BMPR1A: variants seen among roughly 807,000 people sequenced by gnomAD.
BMPR1A encodes the protein bone morphogenetic protein receptor type-1A.
In BMPR1A, 7 loss-of-function variants were observed where a neutral mutation model predicts 66.0. The observed-to-expected ratio is 0.11, with a 90% confidence interval of 0.06 to 0.20. BMPR1A has a LOEUF of 0.20. Among genes scored for constraint, BMPR1A ranks in the 10% least tolerant of loss-of-function variants. The pLI is 1.00. For missense variants in BMPR1A, 408 were observed against 669.1 expected, an observed-to-expected ratio of 0.61 and a Z score of 4.31; for synonymous variants, 200 against 229.7, an observed-to-expected ratio of 0.87 and a Z score of 1.17.
chr10:86,801,215 A>G (rs892157453), intron 1 of BMPR1A, among the ~76,000 whole-genome samples: 3 of 151,918 alleles, frequency 2.0e-5, no homozygotes, highest in African/African-American at 7.3e-5. Flanking sequence ...TCACGGGCTC[A>G]CTGGAGCCTT....
In BMPR1A at chr10:86,917,394, A is replaced by T. The variant is rs878984252; in HGVS notation, c.868+68A>T. On this transcript the variant is annotated intron_variant, in intron 9 of 12. Transcript: ENST00000372037. ...TAGTGAGGTACAGGTGGAAGCCTCC[A>T]TATGTGCTTTGAAAATGTGTGAGTT... 3.2e-5 allele frequency: 50 copies of T among 1,566,338 alleles called. No homozygotes were observed. In the South Asian group the frequency reaches 5.6e-4, roughly 17 times the overall value.
rs1180633325 is a variant in BMPR1A at position 86,875,932 on chromosome 10, C to G, written c.-87C>G. 1 of 1,141,146 alleles carries G rather than the reference C, an allele frequency of 8.8e-7. No homozygotes were observed. Among genetic ancestry groups the G allele is most frequent in the Non-Finnish European group, 1.3e-6 (1 of 755,266 alleles). The allele number at this position is 1,141,146 out of a possible 1,614,324, so 70.7% of individuals were successfully genotyped here. A position where few individuals can be genotyped will look rare whatever the true frequency, so the allele number is the denominator to read the frequency against. ...TGCTTGCGATCTTTTACAAGAAAAT[C>G]TCACTGAATGATAGTCATTTAAATT... On this transcript the variant is annotated 5_prime_UTR_variant, in exon 3 of 13. It adds an upstream start codon to the 5' untranslated region. Coordinates refer to ENST00000372037, the MANE Select transcript of BMPR1A (RefSeq NM_004329.3).
At chr10:86,806,715 C>T (rs886192982) in intron 1 of BMPR1A, among the ~76,000 whole-genome samples, 24 of 151,780 alleles carry the variant, frequency 1.6e-4, no homozygotes, top group African/African-American at 3.1e-4. Flanking sequence ...CCAAACCTGA[C>T]GAAATTTTTT....
intron 1 of BMPR1A, among the ~76,000 whole-genome samples, chr10:86,823,178 A>G (rs1432930386): frequency 1.3e-5 from 2 of 152,224 alleles, no homozygotes; most frequent in Non-Finnish European, 2.9e-5. Context: ...CCAGTGATTC[A>G]CAGTGTTTTC....
chr10:86,821,645 A>G (rs1180493927), intron 1 of BMPR1A, among the ~76,000 whole-genome samples: 1 of 152,172 alleles, frequency 6.6e-6, no homozygotes, highest in Admixed American at 6.5e-5. Flanking sequence ...GCTATTGCCC[A>G]CATTTTGTGC....
chr10:86,793,563 C>T (rs911928902), intron 1 of BMPR1A, among the ~76,000 whole-genome samples: 4 of 152,054 alleles, frequency 2.6e-5, no homozygotes, highest in Admixed American at 6.6e-5. Flanking sequence ...AGGGTTTCAT[C>T]ATATTGATCA....
Position 86,918,627 on chromosome 10 carries a change from CT to C in BMPR1A, c.869-531del, listed in dbSNP as rs71802648. Among the ~76,000 whole-genome samples, 451 of 141,360 alleles carry C rather than the reference CT, an allele frequency of 3.2e-3. 10 individuals carry two copies. The highest frequency in any genetic ancestry group is 1.4e-3 in the Non-Finnish European group (89 of 64,632). 92.7% of individuals were successfully genotyped at this position (141,360 alleles called of 152,430 possible). ...TTTTTCTTTTCTTTCCTTTTCTTTT[CT>C]TTTTTTTTTTTTTGAGACGGAGTCT... On this transcript the variant is annotated intron_variant, in intron 9 of 12. Coordinates refer to ENST00000372037, the MANE Select transcript of BMPR1A (RefSeq NM_004329.3).
At chr10:86,870,369 GACGCCTC>G (rs1259073988) in intron 2 of BMPR1A, among the ~76,000 whole-genome samples, 1 of 152,098 alleles carries the variant, frequency 6.6e-6, no homozygotes, top group Non-Finnish European at 1.5e-5. Flanking sequence ...AATCTTCTTT[GACGCCTC>G]ACTTTCCCTT....
At chr10:86,836,666 T>G (rs758159728) in intron 1 of BMPR1A, among the ~76,000 whole-genome samples, 85 of 152,256 alleles carry the variant, frequency 5.6e-4, no homozygotes, top group Middle Eastern at 3.4e-3. Flanking sequence ...GGCATGGTAG[T>G]GTTCGCCTGT....
intron 1 of BMPR1A, among the ~76,000 whole-genome samples, chr10:86,815,916 A>G (rs749710562): frequency 3.9e-5 from 6 of 152,248 alleles, no homozygotes; most frequent in Non-Finnish European, 8.8e-5. Flanking sequence ...TGAAAAGCCC[A>G]TGAAGATGCT....
chr10:86,889,419 G>A (rs11597689), intron 3 of BMPR1A: 10,291 of 152,378 alleles, frequency 0.068, 384 homozygotes, highest in South Asian at 0.11. Context: ...TTTCCACATA[G>A]AGGCACAAAT....
chr10:86,879,441 A>G (rs1477044724), intron 3 of BMPR1A, among the ~76,000 whole-genome samples: 5 of 152,174 alleles, frequency 3.3e-5, no homozygotes, highest in Non-Finnish European at 7.3e-5. Flanking sequence ...CTCTGCTGAG[A>G]GTAGAGGGCT....
rs559148386 is a variant in BMPR1A at position 86,909,219 on chromosome 10, T to C, written c.531-3021T>C. On this transcript the variant is annotated intron_variant, in intron 7 of 12. Transcript: ENST00000372037. ...GCAGGGTGTTAAATGATCAGTTAAA[T>C]TGTCATATTCCCCAGTGTAAGGTCA... is the stretch of plus-strand genomic sequence containing the variant. Among the ~76,000 whole-genome samples, 4 of 152,254 alleles carry C rather than the reference T, an allele frequency of 2.6e-5. No homozygotes were observed. The East Asian group carries it at 7.7e-4, about 29-fold the overall frequency.
chr10:86,855,656 G>C lies in BMPR1A; in HGVS notation c.-153+16677G>C, dbSNP rs192987888. ...TTCACATGTGGCAGCTTTCTCCTGA[G>C]TATCTAATTTGCAATTGCCTAACTG... On this transcript the variant is annotated intron_variant, in intron 2 of 12. Coordinates refer to ENST00000372037, the MANE Select transcript of BMPR1A (RefSeq NM_004329.3). 394 of 687,584 alleles carry C rather than the reference G, an allele frequency of 5.7e-4. 2 individuals are homozygous for C. Among genetic ancestry groups the C allele is most frequent in the Non-Finnish European group, 8.0e-4 (302 of 377,696 alleles). 42.6% of individuals were successfully genotyped at this position (687,584 alleles called of 1,614,324 possible). A position where few individuals can be genotyped will look rare whatever the true frequency, so the allele number is the denominator to read the frequency against.
intron 7 of BMPR1A, among the ~76,000 whole-genome samples, chr10:86,900,441 C>G (rs1366966852): frequency 1.5e-5 from 2 of 135,854 alleles, no homozygotes; most frequent in Non-Finnish European, 3.2e-5. Flanking sequence ...TTTTTTTTTG[C>G]GTTATAATTC....
chr10:86,775,168 T>G (rs957336199), intron 1 of BMPR1A, among the ~76,000 whole-genome samples: 29 of 152,198 alleles, frequency 1.9e-4, no homozygotes, highest in African/African-American at 6.5e-4. Context: ...GAAAATCGAT[T>G]GACAAACTGA....
intron 2 of BMPR1A, among the ~76,000 whole-genome samples, chr10:86,862,481 G>T (rs1457975810): frequency 6.6e-6 from 1 of 152,150 alleles, no homozygotes; most frequent in Non-Finnish European, 1.5e-5. Context: ...ATCTGAATGG[G>T]GTGTGATGTG....
At chr10:86,847,090 A>G (rs1842495883) in intron 2 of BMPR1A, among the ~76,000 whole-genome samples, 1 of 152,104 alleles carries the variant, frequency 6.6e-6, no homozygotes, top group South Asian at 2.1e-4. Context: ...CCTGACCTCA[A>G]GTGATCTACC....
intron 1 of BMPR1A, among the ~76,000 whole-genome samples, chr10:86,825,855 C>G (rs890752324): frequency 2.6e-5 from 4 of 152,092 alleles, no homozygotes; most frequent in African/African-American, 9.7e-5. Context: ...TTGGGACTTG[C>G]TTGTAAATAT....
Sources: allele counts gnomAD v4.1 joint callset (sites outside exome capture counted in the v4.1 genomes callset), GRCh38; gene constraint gnomAD v4.1.1; transcripts MANE v1.5; gene names NCBI Gene and HGNC (gene_info 2026-07-23, HGNC 2026-07-21).